The following OTUD7A variants were observed in gnomAD, a reference collection of about 807,000 sequenced individuals.
OTUD7A encodes the protein OTU domain-containing protein 7A.
In OTUD7A, 12 loss-of-function variants were observed where a neutral mutation model predicts 65.7. That is an observed-to-expected ratio of 0.18 (90% CI 0.12 to 0.30). The LOEUF (loss-of-function observed/expected upper bound fraction) is 0.30, where lower values mean the gene tolerates loss of function less well. Among genes scored for constraint, OTUD7A ranks in the 10% least tolerant of loss-of-function variants. The pLI is 1.00. For synonymous variants in OTUD7A, 641 were observed against 586.3 expected (o/e 1.09, Z -1.35); for missense variants, 1,148 against 1,304.8 (o/e 0.88, Z 1.85).
chr15:31,507,198 G>T (rs1566889052), intron 8 of OTUD7A, among the ~76,000 whole-genome samples: 4 of 152,104 alleles, frequency 2.6e-5, no homozygotes, highest in Admixed American at 2.6e-4. Context: ...AATATTTAGG[G>T]TTTTTAAAAA....
chr15:31,772,035 G>A (rs967179204), intron 1 of OTUD7A, among the ~76,000 whole-genome samples: 4 of 151,874 alleles, frequency 2.6e-5, no homozygotes, highest in South Asian at 2.1e-4. Context: ...GGCGGATCAC[G>A]AGGTCAGGAG....
chr15:31,864,498 A>G (rs906511479), intron 1 of OTUD7A, among the ~76,000 whole-genome samples: 1 of 152,132 alleles, frequency 6.6e-6, no homozygotes, highest in African/African-American at 2.4e-5. Context: ...AGAGGGAGCA[A>G]AAGCAGAAAC....
chr15:31,562,810 A>G (rs952761707), intron 4 of OTUD7A, among the ~76,000 whole-genome samples: 49 of 152,192 alleles, frequency 3.2e-4, no homozygotes, highest in African/African-American at 1.2e-3. Flanking sequence ...GACAGTACAT[A>G]CATGAGTGAG....
chr15:31,666,524 CTTCTT>C (rs891454690), intron 1 of OTUD7A, among the ~76,000 whole-genome samples: 2 of 152,054 alleles, frequency 1.3e-5, no homozygotes, highest in African/African-American at 2.4e-5. Context: ...GATTTTCTCT[CTTCTT>C]TTCTTAGTTA....
chr15:31,577,378 TCAAA>T (rs1889233723), intron 3 of OTUD7A, among the ~76,000 whole-genome samples: 2 of 152,196 alleles, frequency 1.3e-5, no homozygotes, highest in African/African-American at 4.8e-5. Flanking sequence ...TCTACTGACT[TCAAA>T]TCTTTAGGCA....
chr15:31,806,171 T>C (rs1239750757), intron 1 of OTUD7A, among the ~76,000 whole-genome samples: 1 of 152,228 alleles, frequency 6.6e-6, no homozygotes, highest in East Asian at 1.9e-4. Context: ...CATTTTCTAC[T>C]GTTAAGCATT....
rs182852344 is a variant in OTUD7A, at chr15:31,591,346, A to T, written c.152-21149T>A. 2.9e-3 allele frequency among the ~76,000 whole-genome samples: 440 copies of T among 152,250 alleles called. 5 individuals are homozygous for T. The highest frequency in any genetic ancestry group is 0.01 in the African/African-American group (426 of 41,526). On this transcript the variant is annotated intron_variant, in intron 3 of 12. Transcript: ENST00000307050. ...ATCCTCAGAGCAGGAGCTTACCTAG[A>T]CAAGACATTTGCTCAGACATTACTC...
chr15:31,746,022 A>G (rs1425269409), intron 1 of OTUD7A, among the ~76,000 whole-genome samples: 3 of 152,210 alleles, frequency 2.0e-5, no homozygotes, highest in Non-Finnish European at 4.4e-5. Context: ...TAAAATTAAC[A>G]TCTTACAACA....
intron 9 of OTUD7A, 39 bp downstream of exon 9, chr15:31,503,652 C>G (rs1231070713): frequency 1.2e-6 from 2 of 1,613,212 alleles, no homozygotes; most frequent in Non-Finnish European, 1.7e-6. Context: ...GCTATGCTTT[C>G]TGTGTCATGA....
At chr15:31,501,663 G>A (rs775162629) in intron 10 of OTUD7A, 27 bp downstream of exon 10, 7 of 1,613,926 alleles carry the variant, frequency 4.3e-6, no homozygotes, top group African/African-American at 4.0e-5. Context: ...AGGCTCCTGC[G>A]TGCACTCTCT....
intron 8 of OTUD7A, among the ~76,000 whole-genome samples, chr15:31,524,545 C>T (rs1027785863): frequency 6.6e-6 from 1 of 151,598 alleles, no homozygotes; most frequent in Non-Finnish European, 1.5e-5. Flanking sequence ...CCCACCCCAC[C>T]TGTGCTCGCC....
intron 3 of OTUD7A, among the ~76,000 whole-genome samples, chr15:31,597,550 C>G (rs1407208347): frequency 6.6e-6 from 1 of 151,892 alleles, no homozygotes; most frequent in African/African-American, 2.4e-5. Context: ...CTTCCCCTTG[C>G]CCTTGGTGCA....
intron 10 of OTUD7A, among the ~76,000 whole-genome samples, chr15:31,500,107 G>A (rs538486954): frequency 6.6e-6 from 1 of 152,312 alleles, no homozygotes; most frequent in South Asian, 2.1e-4. Flanking sequence ...AATCTCCCTG[G>A]GGACTGGACA....
chr15:31,851,883 G>A (rs1050578400), intron 1 of OTUD7A, among the ~76,000 whole-genome samples: 1 of 152,184 alleles, frequency 6.6e-6, no homozygotes. Flanking sequence ...TTTTGAGACA[G>A]GGTGTCGCTC....
At chr15:31,599,702 G>A (rs1457257434) in intron 3 of OTUD7A, among the ~76,000 whole-genome samples, 1 of 152,078 alleles carries the variant, frequency 6.6e-6, no homozygotes, top group Non-Finnish European at 1.5e-5. Context: ...CTGAGCTAAA[G>A]GAACATATTC....
chr15:31,758,203 T>G (rs1287173559), intron 1 of OTUD7A, among the ~76,000 whole-genome samples: 1 of 152,078 alleles, frequency 6.6e-6, no homozygotes, highest in African/African-American at 2.4e-5. Flanking sequence ...TAGAAATGGA[T>G]AGTATCATTT....
rs1555425282 is a variant in OTUD7A at position 31,860,677 on chromosome 15, GTATATA to G, written c.-100+9824_-100+9829del. Among the ~76,000 whole-genome samples the G allele has an allele frequency of 2.6e-4, 19 of 73,284 alleles. 2 individuals carry two copies. The highest frequency in any genetic ancestry group is 0.02 in the Middle Eastern group (2 of 102). 48.1% of individuals were successfully genotyped at this position (73,284 alleles called of 152,430 possible). On this transcript the variant is annotated intron_variant, in intron 1 of 12. Transcript: ENST00000307050. The stretch of plus-strand genomic sequence containing the variant: ...TGTGTGTATATATAGATGTATGTGT[GTATATA>G]TATATATATATATATATGTATGTAT...
chr15:31,533,100 C>T (rs1316347915), intron 5 of OTUD7A, among the ~76,000 whole-genome samples: 1 of 151,672 alleles, frequency 6.6e-6, no homozygotes, highest in Non-Finnish European at 1.5e-5. Context: ...CATAGTCAAA[C>T]TTCTAAAAAC....
intron 1 of OTUD7A, among the ~76,000 whole-genome samples, chr15:31,824,538 A>G (rs1896756222): frequency 6.6e-6 from 1 of 152,254 alleles, no homozygotes; most frequent in Admixed American, 6.5e-5. Context: ...GATTGTTCTA[A>G]AGATAACAAA....
Sources: gnomAD v4.1 joint callset for allele counts (sites outside exome capture counted in the v4.1 genomes callset) on GRCh38, gnomAD v4.1.1 for gene constraint, MANE v1.5 for transcripts, NCBI Gene and HGNC (gene_info 2026-07-23, HGNC 2026-07-21) for gene names.